Variants in CGGBP1 observed in about 807,000 individuals in gnomAD.
The protein encoded by CGGBP1 is CGG triplet repeat-binding protein 1.
In CGGBP1, 4 loss-of-function variants were observed where a neutral mutation model predicts 11.4. The ratio of observed to expected loss-of-function variants is 0.35; its 90% CI spans 0.17 to 0.80. CGGBP1 has a LOEUF of 0.80. Ranked by LOEUF, CGGBP1 falls within the 30% of genes least tolerant of loss-of-function variation. CGGBP1 has a pLI of 0.52. For synonymous variants in CGGBP1, 76 were observed against 74.1 expected (o/e 1.03, Z -0.13); for missense variants, 135 against 202.1 (o/e 0.67, Z 2.01).
upstream of CGGBP1, chr3:88,059,524 G>A: frequency 6.9e-7 from 1 of 1,459,492 alleles, no homozygotes; most frequent in Non-Finnish European, 9.0e-7. Context: ...TCCGTTGGCC[G>A]CCCCGACTTG....
chr3:88,107,949 G>A (rs1036620927), intron 2 of CGGBP1, among the ~76,000 whole-genome samples: 41 of 151,854 alleles, frequency 2.7e-4, no homozygotes, highest in African/African-American at 8.2e-4. Context: ...TCATAGTGCT[G>A]TGTTTCCTTG....
chr3:88,112,295 AAAC>A (rs1295048292), intron 2 of CGGBP1, among the ~76,000 whole-genome samples: 3 of 151,534 alleles, frequency 2.0e-5, no homozygotes, highest in Non-Finnish European at 4.4e-5. Context: ...ACTATTAAAA[AAAC>A]AACTTTAGGT....
chr3:88,126,158 T>C, intron 2 of CGGBP1: 2 of 1,519,478 alleles, frequency 1.3e-6, no homozygotes, highest in Non-Finnish European at 1.8e-6. Flanking sequence ...CCTCCGCAGA[T>C]ATGGAAATGT....
chr3:88,103,212 G>A (rs1422021199), intron 2 of CGGBP1, among the ~76,000 whole-genome samples: 1 of 152,026 alleles, frequency 6.6e-6, no homozygotes, highest in African/African-American at 2.4e-5. Context: ...AAAGCAATCA[G>A]TAGAACTAGA....
rs1171912415 is a variant in CGGBP1 at position 88,055,743 on chromosome 3, A to G, written c.234T>C (p.Asn78=). ...TTAGGGGCCTCTGCTTCTTTCTCAC[A>G]TTCTGCTCTTCAAATTCTGCCTTCC... ...TKRKAEFEEQ[N]VRKKQRPLTA... The change falls in exon 4 of 4, where the codon AAT becomes AAC. Residue 78 remains asparagine (N), a synonymous_variant. Transcript: ENST00000482016. This position sits in a 1 kb window ranked among gnomAD's most constrained non-coding sequence, Gnocchi z 4.2. The G allele has an allele frequency of 4.3e-6, 7 of 1,614,086 alleles. No homozygotes were observed. The highest frequency in any genetic ancestry group is 5.9e-6 in the Non-Finnish European group (7 of 1,180,044).
chr3:88,059,576 G>C, upstream of CGGBP1: 1 of 1,442,386 alleles, frequency 6.9e-7, no homozygotes, highest in Non-Finnish European at 9.0e-7. Flanking sequence ...TGGTCTTCTC[G>C]TCCATGAATC....
intron 2 of CGGBP1, among the ~76,000 whole-genome samples, chr3:88,103,827 C>T (rs566544999): frequency 7.0e-5 from 10 of 143,380 alleles, no homozygotes; most frequent in East Asian, 2.1e-4. Flanking sequence ...AGTGCATTGG[C>T]GCCATCTTGG....
chr3:88,095,322 T>G (rs1703992324), intron 2 of CGGBP1: 1 of 252,480 alleles, frequency 4.0e-6, no homozygotes, highest in Non-Finnish European at 7.6e-6. Flanking sequence ...AAGGATATGT[T>G]TAGGATAGAA....
chr3:88,090,587 C>T (rs373268230), intron 2 of CGGBP1, among the ~76,000 whole-genome samples: 9 of 150,482 alleles, frequency 6.0e-5, no homozygotes, highest in African/African-American at 1.2e-4. Context: ...TTTATAAGTG[C>T]GGTATAGCCT....
Position 88,082,123 on chromosome 3 carries a change from TAATC to T in CGGBP1, c.-228-23904_-228-23901del, listed in dbSNP as rs1174251876. Among the ~76,000 whole-genome samples the T allele has an allele frequency of 5.3e-5, 8 of 151,966 alleles. No individual in the cohort carries two copies. In the South Asian group the frequency reaches 6.2e-4, roughly 12 times the overall value. ...AATTGTGACACGTCTTCTGGTTTGT[TAATC>T]AATTTTTTTTTTTTTTTTGAGATGG... On this transcript the variant is annotated intron_variant, in intron 2 of 3. Transcript: ENST00000462901.
intron 2 of CGGBP1, among the ~76,000 whole-genome samples, chr3:88,098,609 A>T (rs1416436516): frequency 1.3e-5 from 2 of 152,218 alleles, no homozygotes; most frequent in African/African-American, 4.8e-5. Flanking sequence ...TGAATCCAGC[A>T]GCACAGCAAA....
chr3:88,099,509 G>A (rs1435014751), intron 2 of CGGBP1, among the ~76,000 whole-genome samples: 10 of 151,950 alleles, frequency 6.6e-5, no homozygotes, highest in East Asian at 3.9e-4. Context: ...AAAAGAGCCC[G>A]CATTGCCAAG....
At chr3:88,116,720 C>A (rs1453930426) in intron 2 of CGGBP1, among the ~76,000 whole-genome samples, 1 of 151,940 alleles carries the variant, frequency 6.6e-6, no homozygotes, top group South Asian at 2.1e-4. Flanking sequence ...AGCCCCATTA[C>A]CCAGAGGTAA....
At position 88,054,916 on chromosome 3, in the gene CGGBP1, TTAAGG is replaced by T. The variant is rs55907111; in HGVS notation, c.*552_*556del. 22,368 of 152,394 alleles carry T rather than the reference TTAAGG, an allele frequency of 0.15. 1,677 individuals are homozygous for T. The highest frequency in any genetic ancestry group is 0.17 in the African/African-American group (7,091 of 41,352). 9.4% of individuals were successfully genotyped at this position (152,394 alleles called of 1,614,324 possible). ...GGGGAAGTATGGAATTGAAAGATAG[TTAAGG>T]TGACTACATCATATACAAGTAAAAC... On this transcript the variant is annotated 3_prime_UTR_variant, in exon 4 of 4. Coordinates refer to ENST00000482016, the MANE Select transcript of CGGBP1 (RefSeq NM_001008390.2).
intron 2 of CGGBP1, among the ~76,000 whole-genome samples, chr3:88,119,522 C>G: frequency 6.6e-6 from 1 of 150,424 alleles, no homozygotes; most frequent in South Asian, 2.1e-4. Context: ...GCACGTGTAC[C>G]CTAAAACTTA....
At chr3:88,069,572 G>T (rs1426874444) in intron 2 of CGGBP1, among the ~76,000 whole-genome samples, 1 of 152,170 alleles carries the variant, frequency 6.6e-6, no homozygotes, top group Non-Finnish European at 1.5e-5. Context: ...GACAATGTTT[G>T]CTTACCACAC....
chr3:88,059,300 C>T (rs1187255449), upstream of CGGBP1: 8 of 1,532,664 alleles, frequency 5.2e-6, no homozygotes, highest in South Asian at 1.2e-5. Flanking sequence ...GGCTGGTACG[C>T]GCTGGGCGGC....
rs79839207 is a variant in CGGBP1, at chr3:88,117,822, T to C, written c.-229+23148A>G. 4.7e-3 allele frequency among the ~76,000 whole-genome samples: 715 copies of C among 152,136 alleles called. 45 individuals carry two copies. The East Asian group carries it at 0.12, about 26-fold the overall frequency. On this transcript the variant is annotated intron_variant, in intron 2 of 3. Coordinates refer to the CGGBP1 transcript ENST00000462901. ...GGAAATAACTACAGGGTGGTGACAT[T>C]TGTTAAGGGAGCAGTGATTATATAA...
intron 2 of CGGBP1, among the ~76,000 whole-genome samples, chr3:88,115,267 A>T (rs148161146): frequency 8.2e-4 from 125 of 152,276 alleles, no homozygotes; most frequent in Non-Finnish European, 1.6e-3. Context: ...GTTGGATTTG[A>T]GTTAACTTCT....
Sources: gnomAD v4.1 joint callset for allele counts (sites outside exome capture counted in the v4.1 genomes callset) on GRCh38, gnomAD v4.1.1 for gene constraint, Gnocchi (gnomAD v3.1) non-coding constraint, MANE v1.5 for transcripts, NCBI Gene and HGNC (gene_info 2026-07-23, HGNC 2026-07-21) for gene names.